CDYL2: variants seen among roughly 807,000 people sequenced by gnomAD.
CDYL2 encodes the protein chromodomain Y-like protein 2.
In CDYL2, 23 loss-of-function variants were observed where a neutral mutation model predicts 49.4. That is an observed-to-expected ratio of 0.47 (90% CI 0.34 to 0.66). The LOEUF (loss-of-function observed/expected upper bound fraction) is 0.66. Among genes scored for constraint, CDYL2 ranks in the 30% least tolerant of loss-of-function variants. The pLI is 0.01. For missense variants in CDYL2, 678 were observed against 656.4 expected, an observed-to-expected ratio of 1.03 and a Z score of -0.36; for synonymous variants, 360 against 268.8, an observed-to-expected ratio of 1.34 and a Z score of -3.32.
chr16:80,672,352 C>CACACACAGAG lies in CDYL2; in HGVS notation c.616+12185_616+12186insCTCTGTGTGT, dbSNP rs68130206. Among the ~76,000 whole-genome samples the CACACACAGAG allele has an allele frequency of 1.6e-3, 190 of 117,824 alleles. 3 individuals carry two copies. Among genetic ancestry groups the CACACACAGAG allele is most frequent in the Admixed American group, 5.9e-3 (61 of 10,280 alleles). 77.3% of individuals were successfully genotyped at this position (117,824 alleles called of 152,430 possible). On this transcript the variant is annotated intron_variant, in intron 2 of 6. Transcript: ENST00000570137. ...ACACACACACACACACACACACACA[C>CACACACAGAG]AGAGAGAGAGAGAGAGATGAGTAGA...
chr16:80,804,104 C>G, intron 1 of CDYL2, 46 bp downstream of exon 1: 3 of 1,017,232 alleles, frequency 2.9e-6, no homozygotes, highest in Non-Finnish European at 3.5e-6. Context: ...CGCCGCCCGC[C>G]GCCGCCCGCT....
rs930120918 is a variant in CDYL2 at position 80,603,962 on chromosome 16, C to G, written c.*426G>C. 5.8e-6 allele frequency: 1 copy of G among 171,410 alleles called. No individual in the cohort carries two copies. The highest frequency in any genetic ancestry group is 2.4e-5 in the African/African-American group (1 of 42,146). 10.6% of individuals were successfully genotyped at this position (171,410 alleles called of 1,614,324 possible). ...GAAATTCCCTAAGATTGGTCGTCCT[C>G]TGACACCCGATCTAAATACAACCAG... On this transcript the variant is annotated 3_prime_UTR_variant, in exon 7 of 7. Coordinates refer to ENST00000570137, the MANE Select transcript of CDYL2 (RefSeq NM_152342.4).
rs189865855 is a variant in CDYL2 at position 80,745,973 on chromosome 16, C to G, written c.24+58177G>C. On this transcript the variant is annotated intron_variant, in intron 1 of 6. Transcript: ENST00000570137. ...GTGACTGTCAGGATACCCCCTCCTGCTATCAATCAGCAAGGCTGCTGCAGG... is the reference window on the plus strand; with the variant it reads ...GTGACTGTCAGGATACCCCCTCCTGGTATCAATCAGCAAGGCTGCTGCAGG... 4.9e-3 allele frequency among the ~76,000 whole-genome samples: 740 copies of G among 152,310 alleles called. 2 individuals carry two copies. Among genetic ancestry groups the G allele is most frequent in the Non-Finnish European group, 7.8e-3 (533 of 68,024 alleles).
intron 1 of CDYL2, among the ~76,000 whole-genome samples, chr16:80,698,184 G>A (rs1305343556): frequency 1.3e-5 from 2 of 152,098 alleles, no homozygotes; most frequent in Non-Finnish European, 2.9e-5. Context: ...TATAGTACTG[G>A]CATAAAAATA....
chr16:80,795,370 G>A (rs1303032255), intron 1 of CDYL2, among the ~76,000 whole-genome samples: 1 of 152,178 alleles, frequency 6.6e-6, no homozygotes, highest in East Asian at 1.9e-4. Context: ...TTTGGCAGCG[G>A]TGGCCTTTAT....
intron 2 of CDYL2, among the ~76,000 whole-genome samples, chr16:80,670,108 A>T (rs10871392): frequency 0.46 from 69,659 of 151,736 alleles, 18,974 homozygotes; most frequent in Middle Eastern, 0.69. Flanking sequence ...AATATGCTTT[A>T]AGTCCTCTCA....
At position 80,716,415 on chromosome 16, in the gene CDYL2, T is replaced by C. The variant is rs374839147; in HGVS notation, c.25-31286A>G. Among the ~76,000 whole-genome samples, 386 of 151,970 alleles carry C rather than the reference T, an allele frequency of 2.5e-3. 1 individual carries two copies. The highest frequency in any genetic ancestry group is 8.9e-3 in the African/African-American group (370 of 41,430). ...ATGAATGAGTGGGTGGGTGGATGGA[T>C]AGATGGGTGGATGGGTAGGTCGATG... On this transcript the variant is annotated intron_variant, in intron 1 of 6. Coordinates refer to ENST00000570137, the MANE Select transcript of CDYL2 (RefSeq NM_152342.4).
rs539728797 is a variant in CDYL2 at position 80,619,164 on chromosome 16, T to G, written c.1007+1599A>C. Among the ~76,000 whole-genome samples the G allele has an allele frequency of 2.0e-5, 3 of 152,318 alleles. No individual in the cohort carries two copies. The East Asian group carries it at 5.8e-4, about 29-fold the overall frequency. ...GTCACATTACCTTCTCCTGTCTCTG[T>G]GTCCCCTCTTATGAAATAAGTTCTC... On this transcript the variant is annotated intron_variant, in intron 4 of 6. Transcript: ENST00000570137.
At chr16:80,722,260 C>T (rs546031722) in intron 1 of CDYL2, among the ~76,000 whole-genome samples, 1 of 152,140 alleles carries the variant, frequency 6.6e-6, no homozygotes, top group African/African-American at 2.4e-5. Flanking sequence ...GTCCACCCCC[C>T]AGATTACTGA....
intron 1 of CDYL2, among the ~76,000 whole-genome samples, chr16:80,752,571 C>T (rs996006951): frequency 2.0e-5 from 3 of 152,160 alleles, no homozygotes; most frequent in Non-Finnish European, 4.4e-5. Flanking sequence ...ATAAAACTGA[C>T]AGCTGGGTCC....
intron 5 of CDYL2, among the ~76,000 whole-genome samples, chr16:80,610,871 G>A (rs1283261971): frequency 6.6e-6 from 1 of 152,154 alleles, no homozygotes; most frequent in Non-Finnish European, 1.5e-5. Context: ...GATGCCCCCA[G>A]TGGACCCCGG....
At chr16:80,766,279 T>C (rs762536932) in intron 1 of CDYL2, among the ~76,000 whole-genome samples, 11 of 151,814 alleles carry the variant, frequency 7.2e-5, no homozygotes, top group South Asian at 4.2e-4. Context: ...ACAACTTTTA[T>C]TGACAAAAAA....
At chr16:80,714,650 A>G (rs1458353789) in intron 1 of CDYL2, among the ~76,000 whole-genome samples, 1 of 151,958 alleles carries the variant, frequency 6.6e-6, no homozygotes, top group African/African-American at 2.4e-5. Context: ...CCCGACCCTA[A>G]CTTTCTCTGC....
At chr16:80,643,732 T>C (rs1051805337) in intron 2 of CDYL2, among the ~76,000 whole-genome samples, 1 of 152,220 alleles carries the variant, frequency 6.6e-6, no homozygotes, top group African/African-American at 2.4e-5. Context: ...TTGGCCCCTT[T>C]CAGCCATGGC....
chr16:80,754,879 G>A (rs1906256407), intron 1 of CDYL2, among the ~76,000 whole-genome samples: 1 of 152,132 alleles, frequency 6.6e-6, no homozygotes. Context: ...AGGGAGCAGG[G>A]TATCAGATGG....
In CDYL2 at chr16:80,804,305, A is replaced by G. The variant is rs1356107905; in HGVS notation, c.-132T>C. 1.9e-5 allele frequency: 14 copies of G among 747,974 alleles called. No individual in the cohort carries two copies. The highest frequency in any genetic ancestry group is 2.3e-5 in the Non-Finnish European group (13 of 557,514). The allele number at this position is 747,974 out of a possible 1,614,324, so 46.3% of individuals were successfully genotyped here. ...TGCGAGTGTGTGTGGTGTGTTGAGT[A>G]AACTGTGTTTTTGCAGAATGACAGG... On this transcript the variant is annotated 5_prime_UTR_variant, in exon 1 of 7. Coordinates refer to ENST00000570137, the MANE Select transcript of CDYL2 (RefSeq NM_152342.4).
At chr16:80,630,927 G>A (rs551021779) in intron 3 of CDYL2, among the ~76,000 whole-genome samples, 1 of 136,676 alleles carries the variant, frequency 7.3e-6, no homozygotes, top group Non-Finnish European at 1.5e-5. Context: ...CTATTATCCC[G>A]ATGTGAGTGA....
chr16:80,792,906 A>G (rs1263245952), intron 1 of CDYL2, among the ~76,000 whole-genome samples: 1 of 152,188 alleles, frequency 6.6e-6, no homozygotes, highest in Non-Finnish European at 1.5e-5. Flanking sequence ...ACGCTGGGAT[A>G]TAAGGGCCCA....
intron 4 of CDYL2, among the ~76,000 whole-genome samples, chr16:80,618,469 G>C (rs1906931136): frequency 6.6e-6 from 1 of 152,188 alleles, no homozygotes; most frequent in African/African-American, 2.4e-5. Flanking sequence ...ACAAATGCAG[G>C]GATAGGTCAA....
Sources: gnomAD v4.1 joint callset for allele counts (sites outside exome capture counted in the v4.1 genomes callset) on GRCh38, gnomAD v4.1.1 for gene constraint, MANE v1.5 for transcripts, NCBI Gene and HGNC (gene_info 2026-07-23, HGNC 2026-07-21) for gene names.